Variants in FUBP1 observed in about 807,000 individuals in gnomAD.
The protein encoded by FUBP1 is far upstream element binding protein 1.
FUBP1 carries 16 observed loss-of-function variants against 94.9 expected under a neutral mutation model. The observed-to-expected ratio is 0.17, with a 90% CI of 0.11 to 0.26. FUBP1 has a LOEUF of 0.26. Among genes scored for constraint, FUBP1 ranks in the 10% least tolerant of loss-of-function variants. The pLI, the probability that FUBP1 is intolerant of heterozygous loss-of-function variation, is 1.00. For synonymous variants in FUBP1, 279 were observed against 254.9 expected (o/e 1.09, Z -0.90); for missense variants, 583 against 808.6 (o/e 0.72, Z 3.38).
intron 16 of FUBP1, among the ~76,000 whole-genome samples, chr1:77,959,458 T>C (rs116639859): frequency 0.01 from 1,540 of 152,292 alleles, 33 homozygotes; most frequent in African/African-American, 0.035. Context: ...AGAACAGATA[T>C]CTTATTTGAC....
rs1231571224 is a variant in FUBP1 at position 77,948,789 on chromosome 1, T to C, written c.1927-15A>G. The C allele has an allele frequency of 1.9e-6, 3 of 1,606,176 alleles. No individual in the cohort carries two copies. The highest frequency in any genetic ancestry group is 1.3e-5 in the African/African-American group (1 of 74,696). The stretch of plus-strand genomic sequence containing the variant: ...TATTATTGGCCCTGTGCAGAAGAGA[T>C]ACATAAGAAATACACAAAAAGTTAA... On this transcript the variant is annotated splice_polypyrimidine_tract_variant and intron_variant, in intron 19 of 19. Transcript: ENST00000370768.
intron 3 of FUBP1, 32 bp from the exon 4 acceptor site, chr1:77,967,698 A>C (rs771172556): frequency 3.8e-6 from 5 of 1,322,666 alleles, no homozygotes; most frequent in Non-Finnish European, 5.3e-6. Flanking sequence ...ATAAAACAAA[A>C]ATTCAAAATT....
Position 77,960,172 on chromosome 1 carries a change from A to G in FUBP1, c.1576+12T>C. On this transcript the variant is annotated intron_variant, in intron 16 of 19. Transcript: ENST00000370768. The stretch of plus-strand genomic sequence containing the variant: ...TAATACAGATAACACACAAATAATA[A>G]GCATCTTCTACCTGGATCAGGAGGA... 5 of 1,563,342 alleles carry G rather than the reference A, an allele frequency of 3.2e-6. No individual in the cohort carries two copies. Among genetic ancestry groups the G allele is most frequent in the Non-Finnish European group, 4.4e-6 (5 of 1,137,272 alleles).
At position 77,964,073 on chromosome 1, in the gene FUBP1, G is replaced by C. The variant is rs779399050; in HGVS notation, c.1030C>G (p.Arg344Gly). ...ACTTTCTATCAAACCTGAACACTTC[G>C]AAGAAGGTCTGTAATAATTTCTGCA... Reference protein sequence around the residue: ...HAAEIITDLLRSVQAGNPGGP... With the variant: ...HAAEIITDLLGSVQAGNPGGP... Residue 344 changes from arginine to glycine, a missense_variant, in exon 12 of 20, where the codon CGA becomes GGA. Coordinates refer to ENST00000370768, the MANE Select transcript of FUBP1 (RefSeq NM_003902.5). The C allele has an allele frequency of 1.3e-6, 2 of 1,560,500 alleles. No individual in the cohort carries two copies. Among genetic ancestry groups the C allele is most frequent in the Non-Finnish European group, 1.8e-6 (2 of 1,131,338 alleles).
At chr1:77,978,778 G>T (rs1280973215) in intron 1 of FUBP1, 107 bp downstream of exon 1, 19 of 1,363,774 alleles carry the variant, frequency 1.4e-5, no homozygotes. Flanking sequence ...TTTCAGCCCG[G>T]AAGAACACCT....
At chr1:77,978,196 T>G (rs1351277930) in intron 1 of FUBP1, among the ~76,000 whole-genome samples, 1 of 152,228 alleles carries the variant, frequency 6.6e-6, no homozygotes, top group Non-Finnish European at 1.5e-5. Context: ...AGTGGTGCCT[T>G]CAGGGCAAAT....
At chr1:77,949,077 C>T in intron 19 of FUBP1, 78 bp downstream of exon 19, 3 of 1,327,350 alleles carry the variant, frequency 2.3e-6, no homozygotes, top group Non-Finnish European at 3.2e-6. Context: ...AAAAGGCAAA[C>T]ACTCCCAAAC....
intron 7 of FUBP1, among the ~76,000 whole-genome samples, chr1:77,965,764 T>A (rs1656350698): frequency 6.6e-6 from 1 of 152,142 alleles, no homozygotes; most frequent in East Asian, 1.9e-4. Flanking sequence ...ATAAAGAAAA[T>A]CAGGCTGGGG....
At chr1:77,971,136 A>G (rs1657457798) in intron 1 of FUBP1, among the ~76,000 whole-genome samples, 1 of 152,112 alleles carries the variant, frequency 6.6e-6, no homozygotes, top group Non-Finnish European at 1.5e-5. Context: ...CTATAAAAGG[A>G]CAACCGAAGT....
intron 16 of FUBP1, among the ~76,000 whole-genome samples, chr1:77,959,612 C>G (rs1655089912): frequency 6.6e-6 from 1 of 152,060 alleles, no homozygotes; most frequent in Admixed American, 6.5e-5. Flanking sequence ...GGTGTGCCCA[C>G]AGCTCAATAC....
chr1:77,957,453 T>C (rs1654670759), intron 16 of FUBP1, among the ~76,000 whole-genome samples: 1 of 152,220 alleles, frequency 6.6e-6, no homozygotes, highest in South Asian at 2.1e-4. Flanking sequence ...CTTTTAGCTA[T>C]GTTGTCTCCT....
Position 77,948,757 on chromosome 1 carries a change from C to T in FUBP1, c.*9G>A. The T allele has an allele frequency of 6.2e-7, 1 of 1,608,216 alleles. No homozygotes were observed. On this transcript the variant is annotated 3_prime_UTR_variant, in exon 20 of 20. Transcript: ENST00000370768. Reference sequence around the variant, plus strand: ...ACAATGAAGCAAATACTGTATTGTCCACTTCTTATTATTGGCCCTGTGCAG... The same window carrying T: ...ACAATGAAGCAAATACTGTATTGTCTACTTCTTATTATTGGCCCTGTGCAG...
intron 18 of FUBP1, among the ~76,000 whole-genome samples, chr1:77,953,823 T>C (rs1653952591): frequency 6.6e-6 from 1 of 152,156 alleles, no homozygotes; most frequent in South Asian, 2.1e-4. Context: ...AATGTATTAA[T>C]GGCCATATTA....
At chr1:77,957,075 G>A (rs1654604720) in intron 16 of FUBP1, among the ~76,000 whole-genome samples, 1 of 152,020 alleles carries the variant, frequency 6.6e-6, no homozygotes, top group Admixed American at 6.6e-5. Flanking sequence ...GATGACTAAA[G>A]AAAAACATTT....
intron 10 of FUBP1, 105 bp from the exon 11 acceptor site, chr1:77,964,461 A>G: frequency 2.8e-6 from 2 of 710,502 alleles, no homozygotes; most frequent in South Asian, 1.8e-5. Context: ...GCCTCAAATC[A>G]TAAAAGTACA....
At chr1:77,970,350 A>G (rs911694154) in intron 1 of FUBP1, among the ~76,000 whole-genome samples, 1 of 152,236 alleles carries the variant, frequency 6.6e-6, no homozygotes, top group African/African-American at 2.4e-5. Context: ...GTGTAAACAC[A>G]TAGAATGTGA....
intron 1 of FUBP1, among the ~76,000 whole-genome samples, chr1:77,977,181 T>C (rs1265607778): frequency 6.6e-6 from 1 of 152,090 alleles, no homozygotes; most frequent in Non-Finnish European, 1.5e-5. Context: ...AGCTTCTTAG[T>C]AGGAAACAAT....
intron 7 of FUBP1, among the ~76,000 whole-genome samples, chr1:77,965,557 T>C (rs1557453525): frequency 1.3e-5 from 2 of 152,226 alleles, no homozygotes; most frequent in South Asian, 2.1e-4. Context: ...ATTTACATTT[T>C]TAAACTACCA....
intron 13 of FUBP1, 73 bp from the exon 14 acceptor site, chr1:77,963,003 A>C (rs1655794413): frequency 2.2e-6 from 2 of 922,028 alleles, no homozygotes; most frequent in Non-Finnish European, 3.3e-6. Flanking sequence ...GAAAATGGTC[A>C]CAATTAAATG....
Sources: allele counts gnomAD v4.1 joint callset (sites outside exome capture counted in the v4.1 genomes callset), GRCh38; gene constraint gnomAD v4.1.1; transcripts MANE v1.5; gene names NCBI Gene and HGNC (gene_info 2026-07-23, HGNC 2026-07-21).